DECR1: variants seen among roughly 807,000 people sequenced by gnomAD.
DECR1 encodes the protein 2,4-dienoyl-CoA reductase 1.
In DECR1, 44 loss-of-function variants were observed where a neutral mutation model predicts 38.8. The ratio of observed to expected loss-of-function variants is 1.13; its 90% CI spans 0.89 to 1.46. DECR1 has a LOEUF of 1.46. Ranked by LOEUF, DECR1 falls within the 40% of genes most tolerant of loss-of-function variation. DECR1 has a pLI of 0.00. For missense variants in DECR1, 428 were observed against 405.5 expected, an observed-to-expected ratio of 1.06 and a Z score of -0.48; for synonymous variants, 148 against 135.2, an observed-to-expected ratio of 1.09 and a Z score of -0.66.
chr8:90,025,446 T>C (rs371076316), intron 5 of DECR1, among the ~76,000 whole-genome samples: 2 of 152,232 alleles, frequency 1.3e-5, no homozygotes, highest in African/African-American at 4.8e-5. Context: ...ACATCCCTTG[T>C]AAGTTGGATT....
chr8:90,031,263 A>G (rs935738148), intron 5 of DECR1, among the ~76,000 whole-genome samples: 1 of 152,158 alleles, frequency 6.6e-6, no homozygotes, highest in South Asian at 2.1e-4. Flanking sequence ...TAAAGTGTTA[A>G]GAATAGTTCC....
chr8:90,010,758 T>C (rs139628868), intron 1 of DECR1, among the ~76,000 whole-genome samples: 2 of 152,318 alleles, frequency 1.3e-5, no homozygotes, highest in East Asian at 3.9e-4. Flanking sequence ...TGTGGAAATA[T>C]TTCATTATCT....
intron 6 of DECR1, among the ~76,000 whole-genome samples, chr8:90,039,974 CTG>C (rs530476394): frequency 8.1e-4 from 123 of 152,272 alleles, no homozygotes; most frequent in African/African-American, 2.9e-3. Flanking sequence ...GCAGAGATAA[CTG>C]TATGAGGTGG....
intron 1 of DECR1, among the ~76,000 whole-genome samples, chr8:90,004,207 CAGCTACTCAGGAGGCTGAGGCAGG>C (rs1397417384): frequency 4.0e-5 from 6 of 151,654 alleles, no homozygotes; most frequent in African/African-American, 1.2e-4. Flanking sequence ...CCTGTAATCC[CAGCTACTCAGGAGGCTGAGGCAGG>C]AGCTACTCAG....
chr8:90,005,944 G>C (rs1812727299), intron 1 of DECR1: 2 of 463,318 alleles, frequency 4.3e-6, no homozygotes, highest in East Asian at 3.8e-5. Flanking sequence ...GCCGGCAAGA[G>C]AGGAAGTGAG....
Position 90,034,816 on chromosome 8 carries a change from A to G in DECR1, c.566-2025A>G, listed in dbSNP as rs565493876. ...CACTATTGACCACTGTATATGCAGT[A>G]TCACTTTGTAATATAGCTTTTATAC... On this transcript the variant is annotated intron_variant, in intron 5 of 9. Transcript: ENST00000220764. 8.9e-4 allele frequency among the ~76,000 whole-genome samples: 135 copies of G among 152,332 alleles called. 6 individuals carry two copies. In the South Asian group the frequency reaches 0.028, roughly 31 times the overall value.
At chr8:90,038,157 T>G (rs1487797349) in intron 6 of DECR1, among the ~76,000 whole-genome samples, 1 of 152,210 alleles carries the variant, frequency 6.6e-6, no homozygotes, top group Non-Finnish European at 1.5e-5. Context: ...GAGCTTAAAT[T>G]TTTTTACTAT....
intron 1 of DECR1, chr8:90,006,219 CT>C (rs1387339580): frequency 2.8e-6 from 2 of 704,154 alleles, no homozygotes; most frequent in Non-Finnish European, 5.2e-6. Context: ...ACTACCTGAA[CT>C]TCTCACAGTA....
intron 1 of DECR1, chr8:90,015,653 T>C (rs532576440): frequency 9.6e-5 from 44 of 456,582 alleles, no homozygotes; most frequent in African/African-American, 8.4e-4. Flanking sequence ...ACAGGAATAC[T>C]CTGGAAGGAA....
intron 2 of DECR1, 28 bp from the exon 3 acceptor site, chr8:90,018,881 T>G (rs374823946): frequency 3.7e-5 from 56 of 1,519,686 alleles, no homozygotes; most frequent in Non-Finnish European, 4.8e-5. Context: ...AAATATAATA[T>G]GAAGTCATAC....
In DECR1 at chr8:90,044,957, T is replaced by G. The variant is rs961907442; in HGVS notation, c.847T>G (p.Phe283Val). Residue 283 changes from phenylalanine to valine, a missense_variant, in exon 8 of 10, where the codon TTC (phenylalanine) becomes GTC (valine). Transcript: ENST00000220764. The stretch of plus-strand genomic sequence containing the variant: ...AGAAGAACTCGCAAATCTTGCTGCT[T>G]TCCTTTGTAGTGATTATGCTTCTTG... Reference protein sequence around the residue: ...TVEELANLAAFLCSDYASWIN... With the variant: ...TVEELANLAAVLCSDYASWIN... The G allele has an allele frequency of 2.5e-6, 4 of 1,613,910 alleles. No individual in the cohort carries two copies. Among genetic ancestry groups the G allele is most frequent in the Non-Finnish European group, 3.4e-6 (4 of 1,179,944 alleles).
intron 5 of DECR1, among the ~76,000 whole-genome samples, chr8:90,031,561 G>A (rs1467099552): frequency 6.6e-6 from 1 of 152,072 alleles, no homozygotes; most frequent in African/African-American, 2.4e-5. Flanking sequence ...GGTTATTCTA[G>A]TTTTTAAATG....
chr8:90,018,472 T>C (rs1256813562), intron 2 of DECR1: 1 of 152,934 alleles, frequency 6.5e-6, no homozygotes, highest in Non-Finnish European at 1.5e-5. Flanking sequence ...TGTTTTTACA[T>C]TGTAATGTTT....
intron 6 of DECR1, 30 bp downstream of exon 6, chr8:90,036,970 G>C: frequency 6.7e-7 from 1 of 1,483,062 alleles, no homozygotes; most frequent in Non-Finnish European, 9.4e-7. Flanking sequence ...TCCTGTTGCT[G>C]AACATAACTA....
chr8:90,041,671 G>A (rs1329933579), intron 6 of DECR1, among the ~76,000 whole-genome samples: 1 of 152,068 alleles, frequency 6.6e-6, no homozygotes, highest in Non-Finnish European at 1.5e-5. Flanking sequence ...TGGGTACTGT[G>A]GATTGTGTAA....
At chr8:90,006,370 AG>A in intron 1 of DECR1, 2 of 701,748 alleles carry the variant, frequency 2.9e-6, no homozygotes, top group Non-Finnish European at 2.6e-6. Flanking sequence ...GAGAGATGTA[AG>A]AATGTTTTAA....
intron 8 of DECR1, 102 bp from the exon 9 acceptor site, chr8:90,051,575 G>A: frequency 1.2e-6 from 1 of 853,258 alleles, no homozygotes; most frequent in Non-Finnish European, 1.9e-6. Context: ...GATTTAAAGT[G>A]CCAAAGAGAT....
At chr8:90,048,446 T>C (rs1813971448) in intron 8 of DECR1, among the ~76,000 whole-genome samples, 1 of 152,112 alleles carries the variant, frequency 6.6e-6, no homozygotes, top group Non-Finnish European at 1.5e-5. Flanking sequence ...AAGAAATGGA[T>C]ACATTCCTGT....
Position 90,045,373 on chromosome 8 carries a change from G to A in DECR1, c.885+378G>A, listed in dbSNP as rs1287763883. Among the ~76,000 whole-genome samples the A allele has an allele frequency of 5.9e-5, 9 of 152,184 alleles. No individual in the cohort carries two copies. In the East Asian group the frequency reaches 1.6e-3, roughly 26 times the overall value. On this transcript the variant is annotated intron_variant, in intron 8 of 9. Coordinates refer to ENST00000220764, the MANE Select transcript of DECR1 (RefSeq NM_001359.2). ...ATGGTCTTAGCAAACGGCACACCAG[G>A]AGATTATATCCCGCGCATGGCTCAG...
Sources: allele counts gnomAD v4.1 joint callset (sites outside exome capture counted in the v4.1 genomes callset), GRCh38; gene constraint gnomAD v4.1.1; transcripts MANE v1.5; gene names NCBI Gene and HGNC (gene_info 2026-07-23, HGNC 2026-07-21).